AFF3: variants seen among roughly 807,000 people sequenced by gnomAD.
AFF3 encodes the protein ALF transcription elongation factor 3, also known as AF4/FMR2 family member 3.
AFF3 carries 32 observed loss-of-function variants against 129.7 expected under a neutral mutation model. That is an observed-to-expected ratio of 0.25 (90% CI 0.19 to 0.33). AFF3 has a LOEUF of 0.33. Among genes scored for constraint, AFF3 ranks in the 10% least tolerant of loss-of-function variants. AFF3 has a pLI of 1.00. For synonymous variants in AFF3, 644 were observed against 635.4 expected (o/e 1.01, Z -0.20); for missense variants, 1,373 against 1,592.0 (o/e 0.86, Z 2.34).
At position 100,077,440 on chromosome 2, in the gene AFF3, A is replaced by G. The variant is rs115237766; in HGVS notation, c.53+26962T>C. On this transcript the variant is annotated intron_variant, in intron 4 of 24. Coordinates refer to ENST00000672756, the MANE Select transcript of AFF3 (RefSeq NM_001386135.1). ...TGGAGCTCCTCTAGAAGCTGGAAAT[A>G]GCAAGGAAACAGATTCTCCCCTAGA... Among the ~76,000 whole-genome samples, 941 of 152,220 alleles carry G rather than the reference A, an allele frequency of 6.2e-3. 9 individuals carry two copies. The highest frequency in any genetic ancestry group is 0.019 in the African/African-American group (787 of 41,536).
intron 4 of AFF3, among the ~76,000 whole-genome samples, chr2:100,078,170 C>G (rs1688739049): frequency 6.6e-6 from 1 of 152,214 alleles, no homozygotes; most frequent in African/African-American, 2.4e-5. Flanking sequence ...AGCTTCAGTT[C>G]ATATGACAAC....
chr2:99,992,024 AG>A (rs1680402231), intron 7 of AFF3, among the ~76,000 whole-genome samples: 1 of 152,068 alleles, frequency 6.6e-6, no homozygotes, highest in Non-Finnish European at 1.5e-5. Context: ...TAAAAAAAAA[AG>A]GAACTTGGAA....
intron 1 of AFF3, among the ~76,000 whole-genome samples, chr2:100,133,659 A>G (rs550438393): frequency 5.9e-5 from 9 of 152,162 alleles, no homozygotes; most frequent in African/African-American, 1.7e-4. Flanking sequence ...TAGGCCGGGC[A>G]CAGTGGCTCA....
chr2:99,801,334 A>C (rs1250586852), intron 8 of AFF3, among the ~76,000 whole-genome samples: 2 of 152,236 alleles, frequency 1.3e-5, no homozygotes, highest in African/African-American at 4.8e-5. Flanking sequence ...GTAATTTCAT[A>C]GGTTAACTTT....
chr2:100,090,542 CT>C (rs1689766109), intron 4 of AFF3, among the ~76,000 whole-genome samples: 1 of 152,146 alleles, frequency 6.6e-6, no homozygotes, highest in East Asian at 1.9e-4. Flanking sequence ...TTCCACTAGT[CT>C]AAAATCTGTA....
chr2:99,904,872 G>A (rs540527368), intron 7 of AFF3, among the ~76,000 whole-genome samples: 18 of 152,182 alleles, frequency 1.2e-4, no homozygotes, highest in African/African-American at 4.3e-4. Flanking sequence ...AGTTCGAGCC[G>A]TTCCCATATT....
chr2:99,928,003 T>C (rs1696391664), intron 7 of AFF3, among the ~76,000 whole-genome samples: 1 of 151,888 alleles, frequency 6.6e-6, no homozygotes, highest in Admixed American at 6.6e-5. Context: ...AAAATGGGAG[T>C]TCCCCTACAC....
intron 13 of AFF3, among the ~76,000 whole-genome samples, chr2:99,607,348 T>C (rs568633212): frequency 2.0e-5 from 3 of 151,842 alleles, no homozygotes; most frequent in Non-Finnish European, 2.9e-5. Context: ...CCGGCCAACA[T>C]AGTAAAACCC....
intron 7 of AFF3, among the ~76,000 whole-genome samples, chr2:99,904,834 C>T (rs1211349293): frequency 6.6e-6 from 1 of 152,066 alleles, no homozygotes; most frequent in Non-Finnish European, 1.5e-5. Flanking sequence ...ATAGGTGGGT[C>T]CTCTTTTTCA....
rs139807848 is a variant in AFF3 at position 99,835,656 on chromosome 2, C to T, written c.921+1821G>A. ...GCCACCATCATCTCTCTTTCCTCCT[C>T]GTCCATCCCACCTCCCCTCCTGACT... On this transcript the variant is annotated intron_variant, in intron 8 of 24. Transcript: ENST00000672756. Among the ~76,000 whole-genome samples, 8 of 152,292 alleles carry T rather than the reference C, an allele frequency of 5.3e-5. No homozygotes were observed. The East Asian group carries it at 1.5e-3, about 29-fold the overall frequency.
chr2:100,029,674 C>T (rs1684330802), intron 4 of AFF3, among the ~76,000 whole-genome samples: 1 of 152,106 alleles, frequency 6.6e-6, no homozygotes, highest in Non-Finnish European at 1.5e-5. Context: ...GGGAAAACAG[C>T]ATTTGTTGTT....
At chr2:99,713,425 C>G (rs1026036071) in intron 11 of AFF3, among the ~76,000 whole-genome samples, 5 of 150,654 alleles carry the variant, frequency 3.3e-5, no homozygotes, top group Admixed American at 2.6e-4. Flanking sequence ...CGTGCCACCA[C>G]GCTCAGCTAA....
At chr2:99,748,693 C>CAT (rs1468665527) in intron 9 of AFF3, among the ~76,000 whole-genome samples, 1 of 152,146 alleles carries the variant, frequency 6.6e-6, no homozygotes, top group African/African-American at 2.4e-5. Flanking sequence ...TACACTGTGT[C>CAT]ATACTTCCAT....
At chr2:99,662,525 A>G (rs934994523) in intron 12 of AFF3, among the ~76,000 whole-genome samples, 3 of 152,184 alleles carry the variant, frequency 2.0e-5, no homozygotes, top group Non-Finnish European at 2.9e-5. Flanking sequence ...TACTCAAAAT[A>G]TCTGTGGTTA....
At chr2:99,654,723 G>T (rs1246461980) in intron 12 of AFF3, among the ~76,000 whole-genome samples, 1 of 152,170 alleles carries the variant, frequency 6.6e-6, no homozygotes, top group Non-Finnish European at 1.5e-5. Context: ...CATTACGAAT[G>T]ATTCTAAACT....
chr2:99,553,755 TA>T (rs1213146571), intron 24 of AFF3, among the ~76,000 whole-genome samples: 3 of 150,106 alleles, frequency 2.0e-5, no homozygotes, highest in Admixed American at 6.6e-5. Context: ...CTACTAAAAA[TA>T]CAAAAAAATT....
At chr2:99,941,837 G>A (rs1675067670) in intron 7 of AFF3, among the ~76,000 whole-genome samples, 1 of 152,192 alleles carries the variant, frequency 6.6e-6, no homozygotes, top group South Asian at 2.1e-4. Flanking sequence ...GAATGAATCT[G>A]GGGTGCTGAT....
intron 4 of AFF3, among the ~76,000 whole-genome samples, chr2:100,018,397 C>G (rs1416447879): frequency 6.6e-6 from 1 of 152,158 alleles, no homozygotes; most frequent in Non-Finnish European, 1.5e-5. Context: ...TTTCAAATCT[C>G]TCTCGTAAAT....
chr2:99,982,205 C>T (rs1679467872), intron 7 of AFF3, among the ~76,000 whole-genome samples: 1 of 152,118 alleles, frequency 6.6e-6, no homozygotes, highest in South Asian at 2.1e-4. Context: ...CCATAATTTC[C>T]ATGTGTTGTG....
Sources: gnomAD v4.1 joint callset for allele counts (sites outside exome capture counted in the v4.1 genomes callset) on GRCh38, gnomAD v4.1.1 for gene constraint, MANE v1.5 for transcripts, NCBI Gene and HGNC (gene_info 2026-07-23, HGNC 2026-07-21) for gene names.